NEK5: variants seen among roughly 807,000 people sequenced by gnomAD.
The protein encoded by NEK5 is serine/threonine-protein kinase Nek5.
In NEK5, 88 loss-of-function variants were observed where a neutral mutation model predicts 109.2. That is an observed-to-expected ratio of 0.81 (90% CI 0.68 to 0.96). The LOEUF is 0.96. NEK5 is among the 40% of genes least tolerant of loss of function. NEK5 has a pLI of 0.00. For missense variants in NEK5, 834 were observed against 920.7 expected, an observed-to-expected ratio of 0.91 and a Z score of 1.22; for synonymous variants, 283 against 299.9, an observed-to-expected ratio of 0.94 and a Z score of 0.58.
intron 13 of NEK5, among the ~76,000 whole-genome samples, chr13:52,089,944 A>G (rs544894544): frequency 6.6e-5 from 10 of 151,936 alleles, no homozygotes; most frequent in African/African-American, 2.4e-4. Context: ...CCTGAGTGAC[A>G]GAGTGAGACT....
In NEK5 at chr13:52,112,269, TG is replaced by T; in HGVS notation, c.310del (p.Gln104ArgfsTer11). Reference sequence around the variant, plus strand: ...AAAAAGCAAATTAGAAGTTTTTACCTGATCTTCACTAAATAACACACCCCGT... The same window carrying T: ...AAAAAGCAAATTAGAAGTTTTTACCTATCTTCACTAAATAACACACCCCGT... ...RQRGVLFSED[Q>X]ILGWFVQISL... On this transcript the variant is annotated frameshift_variant and splice_region_variant, in exon 5 of 24. Coordinates refer to ENST00000684899, the MANE Select transcript of NEK5 (RefSeq NM_001365552.1). LOFTEE classifies it high-confidence loss of function. 1.9e-6 allele frequency: 3 copies of T among 1,583,766 alleles called. No homozygotes were observed. The South Asian group carries it at 3.3e-5, about 18-fold the overall frequency.
In NEK5 at chr13:52,034,503, G is replaced by GTTT. The variant is rs1566718710; in HGVS notation, c.*2444_*2445insAAA. 3.6e-5 allele frequency: 5 copies of GTTT among 137,678 alleles called. No individual in the cohort carries two copies. Among genetic ancestry groups the GTTT allele is most frequent in the African/African-American group, 1.4e-4 (5 of 36,534 alleles). The allele number at this position is 137,678 out of a possible 1,614,324, so 8.5% of individuals were successfully genotyped here. A position where few individuals can be genotyped will look rare whatever the true frequency, so the allele number is the denominator to read the frequency against. ...GGGAACAAACCCGATAACCTGACAT[G>GTTT]CTTTTTTTTTTTTTTTTTTTTTTTG... On this transcript the variant is annotated 3_prime_UTR_variant, in exon 24 of 24. Transcript: ENST00000684899.
chr13:52,109,957 T>C (rs1348780475), intron 7 of NEK5, among the ~76,000 whole-genome samples: 2 of 152,204 alleles, frequency 1.3e-5, no homozygotes, highest in East Asian at 1.9e-4. Context: ...CTGAGGGCTA[T>C]GTCACAGGCA....
chr13:52,120,532 T>A (rs146756585), intron 3 of NEK5, among the ~76,000 whole-genome samples: 2 of 151,556 alleles, frequency 1.3e-5, no homozygotes, highest in East Asian at 3.9e-4. Context: ...AGTACAAGAA[T>A]AGTCAACTCG....
chr13:52,041,543 C>G (rs1954413474), intron 23 of NEK5, among the ~76,000 whole-genome samples: 2 of 151,720 alleles, frequency 1.3e-5, no homozygotes, highest in Admixed American at 1.3e-4. Context: ...GCCTGGCCAA[C>G]ATGGTGAAAC....
At chr13:52,113,124 T>TA (rs1010083623) in intron 4 of NEK5, among the ~76,000 whole-genome samples, 13 of 150,988 alleles carry the variant, frequency 8.6e-5, no homozygotes, top group South Asian at 2.1e-4. Context: ...GAGTAGTTTT[T>TA]AAAAAAAATA....
At chr13:52,064,239 C>T (rs1954647892) in intron 21 of NEK5, among the ~76,000 whole-genome samples, 3 of 144,494 alleles carry the variant, frequency 2.1e-5, no homozygotes, top group Admixed American at 6.7e-5. Flanking sequence ...GGGGTCAGCC[C>T]CCCGCCCAGC....
At chr13:52,087,305 C>G in intron 15 of NEK5, 33 bp downstream of exon 15, 1 of 1,071,102 alleles carries the variant, frequency 9.3e-7, no homozygotes, top group Non-Finnish European at 1.4e-6. Context: ...CAAAGAAATA[C>G]AAGGGTAGCC....
At chr13:52,052,281 C>T (rs1454007290) in intron 22 of NEK5, among the ~76,000 whole-genome samples, 1 of 152,156 alleles carries the variant, frequency 6.6e-6, no homozygotes, top group East Asian at 1.9e-4. Context: ...GTAACCTTGG[C>T]AAAATAAACT....
At chr13:52,113,940 G>T (rs913879000) in intron 4 of NEK5, among the ~76,000 whole-genome samples, 1 of 152,184 alleles carries the variant, frequency 6.6e-6, no homozygotes, top group African/African-American at 2.4e-5. Flanking sequence ...CACTGAATCT[G>T]CCTGCACCTT....
intron 12 of NEK5, among the ~76,000 whole-genome samples, chr13:52,096,327 CAGA>C (rs1171341977): frequency 6.6e-5 from 10 of 151,764 alleles, no homozygotes; most frequent in Admixed American, 5.9e-4. Context: ...GTGGAGGGCT[CAGA>C]AGAAGATAGG....
At chr13:52,084,014 C>A (rs893977072) in intron 16 of NEK5, among the ~76,000 whole-genome samples, 1 of 152,158 alleles carries the variant, frequency 6.6e-6, no homozygotes, top group African/African-American at 2.4e-5. Flanking sequence ...ATGGTTCTTT[C>A]AGAATGCCCA....
chr13:52,043,994 T>A (rs1025083269), intron 23 of NEK5, among the ~76,000 whole-genome samples: 12 of 152,182 alleles, frequency 7.9e-5, no homozygotes, highest in Admixed American at 5.2e-4. Context: ...AGATTAACAT[T>A]TGAGTCAGTG....
chr13:52,083,508 C>A (rs79189962), intron 16 of NEK5, among the ~76,000 whole-genome samples, 156 bp from the exon 17 acceptor site: 2 of 152,030 alleles, frequency 1.3e-5, no homozygotes, highest in Non-Finnish European at 2.9e-5. Flanking sequence ...AATCCTTCCT[C>A]CATAGCCTCT....
intron 4 of NEK5, among the ~76,000 whole-genome samples, chr13:52,115,360 T>C (rs1955836495): frequency 2.0e-5 from 3 of 151,290 alleles, no homozygotes; most frequent in Non-Finnish European, 4.4e-5. Flanking sequence ...ATCCCAGCAC[T>C]TTGGGAGGCC....
In NEK5 at chr13:52,036,915, CACTA is replaced by C. The variant is rs1954365258; in HGVS notation, c.*29_*32del. On this transcript the variant is annotated 3_prime_UTR_variant, in exon 24 of 24. Coordinates refer to ENST00000684899, the MANE Select transcript of NEK5 (RefSeq NM_001365552.1). ...CCAAATAAATACTATAGGTAATAGA[CACTA>C]ACTTATTACTTAAGAAAAAGTACAA... The C allele has an allele frequency of 1.1e-6, 1 of 943,622 alleles. No homozygotes were observed. The highest frequency in any genetic ancestry group is 6.2e-5 in the Admixed American group (1 of 16,200). 58.5% of individuals were successfully genotyped at this position (943,622 alleles called of 1,614,324 possible).
At chr13:52,062,991 A>G (rs1954625968) in intron 21 of NEK5, among the ~76,000 whole-genome samples, 1 of 152,096 alleles carries the variant, frequency 6.6e-6, no homozygotes, top group Non-Finnish European at 1.5e-5. Flanking sequence ...TACTGTGCTC[A>G]GCAGTAATAA....
intron 20 of NEK5, among the ~76,000 whole-genome samples, chr13:52,066,063 C>T (rs559404949): frequency 6.6e-6 from 1 of 151,844 alleles, no homozygotes; most frequent in East Asian, 1.9e-4. Flanking sequence ...ATAATAATTT[C>T]AATTTTTCCC....
At chr13:52,112,231 C>G in intron 5 of NEK5, 37 bp downstream of exon 5, 1 of 1,101,212 alleles carries the variant, frequency 9.1e-7, no homozygotes, top group Non-Finnish European at 1.4e-6. Flanking sequence ...CCCCACCACA[C>G]ATACATAAAA....
Sources: gnomAD v4.1 joint callset for allele counts (sites outside exome capture counted in the v4.1 genomes callset) on GRCh38, gnomAD v4.1.1 for gene constraint, MANE v1.5 for transcripts, NCBI Gene and HGNC (gene_info 2026-07-23, HGNC 2026-07-21) for gene names.